ZNF175: variants seen among roughly 807,000 people sequenced by gnomAD.
ZNF175 encodes zinc finger protein OTK18.
Under a neutral mutation model 14.0 loss-of-function variants are expected in ZNF175, and 8 were observed. The ratio of observed to expected loss-of-function variants is 0.57; its 90% CI spans 0.34 to 1.03. The LOEUF is 1.03. Ranked by LOEUF, ZNF175 falls within the 50% of genes least tolerant of loss-of-function variation. The pLI, the probability that ZNF175 is intolerant of heterozygous loss-of-function variation, is 0.03. For synonymous variants in ZNF175, 255 were observed against 296.8 expected (o/e 0.86, Z 1.45); for missense variants, 764 against 849.5 (o/e 0.90, Z 1.25).
At position 51,573,680 on chromosome 19, in the gene ZNF175, C is replaced by G. The variant is rs1477726296; in HGVS notation, c.72+279C>G. The G allele has an allele frequency of 3.7e-5, 17 of 463,136 alleles. No individual in the cohort carries two copies. In the South Asian group the frequency reaches 7.8e-4, roughly 21 times the overall value. The allele number at this position is 463,136 out of a possible 1,614,324, so 28.7% of individuals were successfully genotyped here. ...CCCAGTCATAGGATGGAAAAGCTGA[C>G]TCTTTCCTGCTAAGCACTGGTTCTG... On this transcript the variant is annotated intron_variant, in intron 2 of 4. Transcript: ENST00000262259.
Position 51,591,814 on chromosome 19 carries a change from TC to T in ZNF175, c.*3348del, listed in dbSNP as rs1568579687. ...TGGAGTCTCGCTCTGTCGCCCAGGC[TC>T]TGGAGTGCAGTGGCACGATCTCAGC... On this transcript the variant is annotated 3_prime_UTR_variant, in exon 5 of 5. Coordinates refer to ENST00000262259, the MANE Select transcript of ZNF175 (RefSeq NM_007147.4). 25 of 147,292 alleles carry T rather than the reference TC, an allele frequency of 1.7e-4. No individual in the cohort carries two copies. The highest frequency in any genetic ancestry group is 6.2e-4 in the African/African-American group (24 of 38,898). The allele number at this position is 147,292 out of a possible 1,614,324, so 9.1% of individuals were successfully genotyped here. A position where few individuals can be genotyped will look rare whatever the true frequency, so the allele number is the denominator to read the frequency against.
In ZNF175 at chr19:51,587,459, A is replaced by C. The variant is rs774371454; in HGVS notation, c.1128A>C (p.Leu376Phe). ...HDCGKAFFQMLSLFRHQRTHS... is the reference protein window; with the variant it reads ...HDCGKAFFQMFSLFRHQRTHS... Reference sequence around the variant, plus strand: ...GTGGAAAAGCCTTTTTCCAGATGTTATCTCTCTTCAGACATCAGAGAACTC... The same window carrying C: ...GTGGAAAAGCCTTTTTCCAGATGTTCTCTCTCTTCAGACATCAGAGAACTC... Residue 376 changes from leucine (L) to phenylalanine (F), a missense_variant, in exon 5 of 5, where the codon TTA (leucine) becomes TTC (phenylalanine). By Grantham distance (22) the Leu-to-Phe change is conservative. Coordinates refer to ENST00000262259, the MANE Select transcript of ZNF175 (RefSeq NM_007147.4). 1.4e-5 allele frequency: 22 copies of C among 1,614,264 alleles called. No homozygotes were observed. In the South Asian group the frequency reaches 2.0e-4, roughly 14 times the overall value.
chr19:51,573,985 G>A (rs557662343), intron 2 of ZNF175: 4 of 152,606 alleles, frequency 2.6e-5, no homozygotes, highest in Non-Finnish European at 5.9e-5. Context: ...AAATAGTCAG[G>A]ATTTGGTAAC....
Position 51,588,547 on chromosome 19 carries a change from T to C in ZNF175, c.*80T>C, listed in dbSNP as rs776921971. ...AAGAGAAAATCTTCTCAGAATCAGGTCTAATTATATGTTATTGAATTCATG... is the reference window on the plus strand; with the variant it reads ...AAGAGAAAATCTTCTCAGAATCAGGCCTAATTATATGTTATTGAATTCATG... On this transcript the variant is annotated 3_prime_UTR_variant, in exon 5 of 5. Transcript: ENST00000262259. 1.4e-5 allele frequency: 20 copies of C among 1,434,964 alleles called. No individual in the cohort carries two copies. The highest frequency in any genetic ancestry group is 1.8e-5 in the Non-Finnish European group (20 of 1,082,650). The allele number at this position is 1,434,964 out of a possible 1,614,324, so 88.9% of individuals were successfully genotyped here.
At chr19:51,582,771 A>C (rs1164860439) in intron 4 of ZNF175, among the ~76,000 whole-genome samples, 1 of 149,626 alleles carries the variant, frequency 6.7e-6, no homozygotes, top group Non-Finnish European at 1.5e-5. Flanking sequence ...AATTTTATTT[A>C]TTTTCTTTTC....
chr19:51,581,350 T>C, intron 2 of ZNF175, 41 bp from the exon 3 acceptor site: 1 of 1,614,168 alleles, frequency 6.2e-7, no homozygotes, highest in African/African-American at 1.3e-5. Flanking sequence ...CACTCGCCAA[T>C]GATGACCTAA....
At chr19:51,575,255 A>G (rs1183750545) in intron 2 of ZNF175, among the ~76,000 whole-genome samples, 1 of 139,824 alleles carries the variant, frequency 7.2e-6, no homozygotes, top group Non-Finnish European at 1.5e-5. Flanking sequence ...CTCGCTCTGA[A>G]GCGCAGGCTG....
chr19:51,581,758 C>G, intron 3 of ZNF175, 29 bp from the exon 4 acceptor site: 1 of 1,609,924 alleles, frequency 6.2e-7, no homozygotes, highest in Non-Finnish European at 8.5e-7. Flanking sequence ...GAAGCTACAC[C>G]CAAATCCAGT....
chr19:51,582,673 T>C (rs1294048208), intron 4 of ZNF175, among the ~76,000 whole-genome samples: 1 of 152,226 alleles, frequency 6.6e-6, no homozygotes, highest in African/African-American at 2.4e-5. Context: ...TCTGATTGGC[T>C]TTTTCATTTG....
rs2122583150 is a variant in ZNF175 at position 51,591,006 on chromosome 19, C to T, written c.*2539C>T. On this transcript the variant is annotated 3_prime_UTR_variant, in exon 5 of 5. Transcript: ENST00000262259. Reference sequence around the variant, plus strand: ...CTGGGCTTTCCCTGTTCCTAAGCATCACCTGGGGGGATCACTCTGGGTCCT... The same window carrying T: ...CTGGGCTTTCCCTGTTCCTAAGCATTACCTGGGGGGATCACTCTGGGTCCT... The T allele has an allele frequency of 3.3e-5, 3 of 91,822 alleles. No individual in the cohort carries two copies. The highest frequency in any genetic ancestry group is 2.5e-3 in the East Asian group (2 of 812). 5.7% of individuals were successfully genotyped at this position (91,822 alleles called of 1,614,324 possible).
intron 3 of ZNF175, 121 bp downstream of exon 3, chr19:51,581,638 A>G: frequency 6.6e-7 from 1 of 1,523,602 alleles, no homozygotes; most frequent in Non-Finnish European, 8.8e-7. Flanking sequence ...TTTGTCCTGG[A>G]TTGTTTGTTT....
At position 51,576,766 on chromosome 19, in the gene ZNF175, T is replaced by A. The variant is rs76344652; in HGVS notation, c.72+3365T>A. Among the ~76,000 whole-genome samples, 399 of 152,176 alleles carry A rather than the reference T, an allele frequency of 2.6e-3. 16 individuals carry two copies. The East Asian group carries it at 0.046, about 18-fold the overall frequency. ...GAATTCTTTTTTTCTCTGTCAAGTG[T>A]CCAGTTCCTTGTGTCTTGAATCCTT... On this transcript the variant is annotated intron_variant, in intron 2 of 4. Coordinates refer to ENST00000262259, the MANE Select transcript of ZNF175 (RefSeq NM_007147.4).
rs572147259 is a variant in ZNF175 at position 51,592,450 on chromosome 19, A to C, written c.*3983A>C. 12 of 553,330 alleles carry C rather than the reference A, an allele frequency of 2.2e-5. No individual in the cohort carries two copies. In the South Asian group the frequency reaches 3.1e-4, roughly 14 times the overall value. 34.3% of individuals were successfully genotyped at this position (553,330 alleles called of 1,614,324 possible). ...GAGTACAACACAAATGCTCGTTCTT[A>C]ATGATTCAACAAACATGGAATTTCA... On this transcript the variant is annotated 3_prime_UTR_variant, in exon 5 of 5. Transcript: ENST00000262259.
chr19:51,577,470 A>G (rs1261336194), intron 2 of ZNF175, among the ~76,000 whole-genome samples: 1 of 42,346 alleles, frequency 2.4e-5, no homozygotes, highest in Admixed American at 2.1e-4. Flanking sequence ...TTACTGCCTT[A>G]AAAAATTTTT....
intron 4 of ZNF175, 89 bp downstream of exon 4, chr19:51,581,971 A>G: frequency 8.1e-7 from 1 of 1,233,646 alleles, no homozygotes; most frequent in Middle Eastern, 1.9e-4. Context: ...CCATTCCCCC[A>G]GTGATGGCCC....
intron 2 of ZNF175, among the ~76,000 whole-genome samples, chr19:51,578,701 A>T (rs1981893511): frequency 6.6e-6 from 1 of 152,164 alleles, no homozygotes; most frequent in Non-Finnish European, 1.5e-5. Context: ...CCGGAGGTCG[A>T]GGCTGCAGTG....
intron 2 of ZNF175, among the ~76,000 whole-genome samples, chr19:51,576,834 C>T (rs560718954): frequency 6.6e-6 from 1 of 152,078 alleles, no homozygotes; most frequent in South Asian, 2.1e-4. Flanking sequence ...TACCGTTACT[C>T]TCATTTCGTG....
chr19:51,588,516 T>C lies in ZNF175; in HGVS notation c.*49T>C, dbSNP rs765636026. 2.1e-5 allele frequency: 32 copies of C among 1,495,860 alleles called. 1 individual carries two copies. In the South Asian group the frequency reaches 3.7e-4, roughly 17 times the overall value. 92.7% of individuals were successfully genotyped at this position (1,495,860 alleles called of 1,614,324 possible). A position where few individuals can be genotyped will look rare whatever the true frequency, so the allele number is the denominator to read the frequency against. ...ATAAATGAAATATACTCCGAGTTTC[T>C]TGAAGAAGAGAAAATCTTCTCAGAA... On this transcript the variant is annotated 3_prime_UTR_variant, in exon 5 of 5. Transcript: ENST00000262259.
rs766264579 is a variant in ZNF175 at position 51,587,918 on chromosome 19, A to T, written c.1587A>T (p.Arg529Ser). ...ACCAGAAAATTCATACTGGAGAAAG[A>T]CACCATGTATGCAGTGAATGCGGGA... ...NIHQKIHTGE[R>S]HHVCSECGKA... Residue 529 changes from arginine to serine, a missense_variant, in exon 5 of 5, where the codon AGA becomes AGT. Coordinates refer to ENST00000262259, the MANE Select transcript of ZNF175 (RefSeq NM_007147.4). 4.6e-5 allele frequency: 74 copies of T among 1,614,086 alleles called. No individual in the cohort carries two copies. The highest frequency in any genetic ancestry group is 6.1e-5 in the Non-Finnish European group (72 of 1,180,030).
Sources: allele counts gnomAD v4.1 joint callset (sites outside exome capture counted in the v4.1 genomes callset), GRCh38; gene constraint gnomAD v4.1.1; transcripts MANE v1.5; gene names NCBI Gene and HGNC (gene_info 2026-07-23, HGNC 2026-07-21).